The following FGF14 variants were observed in gnomAD, a reference collection of about 807,000 sequenced individuals.
FGF14 encodes fibroblast growth factor homologous factor 4.
In FGF14, 5 loss-of-function variants were observed where a neutral mutation model predicts 25.5. That is an observed-to-expected ratio of 0.20 (90% confidence interval 0.10 to 0.41). FGF14 has a LOEUF of 0.41. Among genes scored for constraint, FGF14 ranks in the 10% least tolerant of loss-of-function variants. FGF14 has a pLI of 1.00. For synonymous variants in FGF14, 138 were observed against 118.3 expected (o/e 1.17, Z -1.08); for missense variants, 222 against 320.1 (o/e 0.69, Z 2.34).
At chr13:101,915,227 C>CATTAGCCTT (rs2033345549) in intron 1 of FGF14, among the ~76,000 whole-genome samples, 2 of 152,222 alleles carry the variant, frequency 1.3e-5, no homozygotes, top group South Asian at 4.1e-4. Flanking sequence ...AAATATTCAG[C>CATTAGCCTT]ATTAGCCTTT....
chr13:102,234,312 A>G lies in FGF14; in HGVS notation c.208+167159T>C, dbSNP rs1238595159. 3.9e-5 allele frequency among the ~76,000 whole-genome samples: 4 copies of G among 103,574 alleles called. 2 individuals carry two copies. Among genetic ancestry groups the G allele is most frequent in the African/African-American group, 8.2e-5 (2 of 24,406 alleles). The allele number at this position is 103,574 out of a possible 152,430, so 67.9% of individuals were successfully genotyped here. A position where few individuals can be genotyped will look rare whatever the true frequency, so the allele number is the denominator to read the frequency against. Reference sequence around the variant, plus strand: ...GAAATATACACTTAAATGTGAAGGTACTTAATACCATGGAAATATACACCT... The same window carrying G: ...GAAATATACACTTAAATGTGAAGGTGCTTAATACCATGGAAATATACACCT... On this transcript the variant is annotated intron_variant, in intron 1 of 4. Coordinates refer to the FGF14 transcript ENST00000376131.
chr13:101,842,932 CT>C (rs1278873024), intron 3 of FGF14, among the ~76,000 whole-genome samples: 4 of 152,168 alleles, frequency 2.6e-5, no homozygotes, highest in African/African-American at 9.6e-5. Context: ...ACTGGAACAA[CT>C]TGTGTGAAGC....
At chr13:102,180,659 G>A (rs577684249) in intron 1 of FGF14, among the ~76,000 whole-genome samples, 147 of 152,128 alleles carry the variant, frequency 9.7e-4, no homozygotes, top group African/African-American at 3.4e-3. Flanking sequence ...CCAATTAACT[G>A]GTGTTTTCCT....
intron 3 of FGF14, among the ~76,000 whole-genome samples, chr13:101,858,687 C>T (rs2044253012): frequency 6.6e-6 from 1 of 152,060 alleles, no homozygotes; most frequent in Non-Finnish European, 1.5e-5. Context: ...TTTTAACCCC[C>T]AGAGGAAATC....
intron 1 of FGF14, among the ~76,000 whole-genome samples, chr13:102,290,418 T>C (rs1044841766): frequency 2.0e-5 from 3 of 152,142 alleles, no homozygotes; most frequent in African/African-American, 7.2e-5. Flanking sequence ...CTACCCATCT[T>C]AGGGTATGTT....
chr13:102,355,849 A>AAT lies in FGF14; in HGVS notation c.208+45621_208+45622insAT, dbSNP rs1404145871. ...TAAAAATTACAGAAAGTACTCATAT[A>AAT]AATTCAACAAAATAATGCAATTATA... is the stretch of plus-strand genomic sequence containing the variant. On this transcript the variant is annotated intron_variant, in intron 1 of 4. Coordinates refer to the FGF14 transcript ENST00000376131. 3.9e-5 allele frequency among the ~76,000 whole-genome samples: 6 copies of AAT among 152,242 alleles called. No homozygotes were observed. The East Asian group carries it at 9.7e-4, about 24-fold the overall frequency.
chr13:101,760,514 T>C (rs1232386273), intron 3 of FGF14, among the ~76,000 whole-genome samples: 1 of 152,214 alleles, frequency 6.6e-6, no homozygotes, highest in African/African-American at 2.4e-5. Context: ...GGCTTTCCAG[T>C]GTTTCACGTG....
At chr13:101,890,974 A>G (rs916580258) in intron 1 of FGF14, among the ~76,000 whole-genome samples, 4 of 152,152 alleles carry the variant, frequency 2.6e-5, no homozygotes, top group Middle Eastern at 3.4e-3. Flanking sequence ...TGTCTACCCC[A>G]TCAAGGTAGG....
At chr13:102,341,115 A>G (rs1403228134) in intron 1 of FGF14, among the ~76,000 whole-genome samples, 2 of 152,156 alleles carry the variant, frequency 1.3e-5, no homozygotes, top group Non-Finnish European at 2.9e-5. Context: ...AAGGGGGGAA[A>G]AAAGACTCCC....
intron 1 of FGF14, among the ~76,000 whole-genome samples, chr13:101,963,259 A>C (rs1398214702): frequency 6.6e-6 from 1 of 152,216 alleles, no homozygotes; most frequent in Non-Finnish European, 1.5e-5. Flanking sequence ...TCTATTCTAG[A>C]AATGTTAATT....
rs75419319 is a variant in FGF14, at chr13:101,753,340, T to C, written c.409-26530A>G. ...ACACACACACACACACGGTCTGTAA[T>C]TTGAATGGTGGTAAAAGAAGACCTA... On this transcript the variant is annotated intron_variant, in intron 3 of 4. Transcript: ENST00000376143. 8.4e-4 allele frequency among the ~76,000 whole-genome samples: 128 copies of C among 151,754 alleles called. 1 individual carries two copies. The East Asian group carries it at 0.022, about 26-fold the overall frequency.
intron 1 of FGF14, among the ~76,000 whole-genome samples, chr13:102,117,880 G>C (rs180769446): frequency 8.1e-4 from 123 of 152,186 alleles, no homozygotes; most frequent in African/African-American, 2.9e-3. Context: ...TGACACAAAT[G>C]GTTACTAAGT....
At chr13:102,161,620 AAGAAGAAGAAGAAGAAGAAGAAG>A (rs2047697988) in intron 1 of FGF14, among the ~76,000 whole-genome samples, 5 of 5,876 alleles carry the variant, frequency 8.5e-4, no homozygotes, top group Non-Finnish European at 1.4e-3. Flanking sequence ...GAAGAAGAAG[AAGAAGAAGAAGAAGAAGAAGAAG>A]AAGAAGAAGA....
rs5806264 is a variant in FGF14, at chr13:102,039,976, T to TAA, written c.209-164682_209-164681dup. The stretch of plus-strand genomic sequence containing the variant: ...CAAAAATTACTTTGTGTTTACATGT[T>TAA]AAAAAAAAAAATCCTCTTCAGCATG... On this transcript the variant is annotated intron_variant, in intron 1 of 4. Coordinates refer to the FGF14 transcript ENST00000376131. 5.4e-3 allele frequency among the ~76,000 whole-genome samples: 805 copies of TAA among 149,650 alleles called. 6 individuals carry two copies. The highest frequency in any genetic ancestry group is 0.038 in the South Asian group (180 of 4,742).
chr13:101,730,229 TAAG>T (rs762222516), intron 3 of FGF14, among the ~76,000 whole-genome samples: 10 of 152,330 alleles, frequency 6.6e-5, no homozygotes, highest in African/African-American at 1.4e-4. Context: ...TTCGAAAAGT[TAAG>T]AACATGTCGT....
In FGF14 at chr13:102,077,557, T is replaced by G. The variant is rs77545355; in HGVS notation, c.209-202261A>C. ...GAAAAATGTTCGGCATCACTAATTA[T>G]CAGGAAAATGCAAACTAAAATCACA... On this transcript the variant is annotated intron_variant, in intron 1 of 4. Transcript: ENST00000376131. Among the ~76,000 whole-genome samples, 508 of 152,232 alleles carry G rather than the reference T, an allele frequency of 3.3e-3. 4 individuals are homozygous for G. The highest frequency in any genetic ancestry group is 0.012 in the African/African-American group (481 of 41,546).
intron 1 of FGF14, among the ~76,000 whole-genome samples, chr13:102,381,351 G>T (rs1275473759): frequency 6.6e-6 from 1 of 152,164 alleles, no homozygotes; most frequent in African/African-American, 2.4e-5. Flanking sequence ...TTAAGAGGTG[G>T]AGCCTCTAGG....
chr13:102,221,622 A>AC (rs1491185128), intron 1 of FGF14, among the ~76,000 whole-genome samples: 151 of 73,944 alleles, frequency 2.0e-3, no homozygotes, highest in African/African-American at 0.011. Flanking sequence ...ACAAACACAC[A>AC]AACACACACA....
At chr13:101,981,202 C>A (rs926932168) in intron 1 of FGF14, among the ~76,000 whole-genome samples, 10 of 151,962 alleles carry the variant, frequency 6.6e-5, no homozygotes, top group Middle Eastern at 3.4e-3. Flanking sequence ...ATCCCTTGAG[C>A]CCGGGAGGCA....
Sources: allele counts gnomAD v4.1 joint callset (sites outside exome capture counted in the v4.1 genomes callset), GRCh38; gene constraint gnomAD v4.1.1; transcripts MANE v1.5; gene names NCBI Gene and HGNC (gene_info 2026-07-23, HGNC 2026-07-21).